SEMA5A: variants seen among roughly 807,000 people sequenced by gnomAD.
SEMA5A encodes the protein semaphorin 5A.
A neutral mutation model predicts 135.5 loss-of-function variants in SEMA5A; 55 were observed. That is an observed-to-expected ratio of 0.41 (90% CI 0.33 to 0.51). SEMA5A has a LOEUF of 0.51. Ranked by LOEUF, SEMA5A falls within the 20% of genes least tolerant of loss-of-function variation. The pLI, the probability that SEMA5A is intolerant of heterozygous loss-of-function variation, is 0.37. For synonymous variants in SEMA5A, 580 were observed against 546.5 expected, an observed-to-expected ratio of 1.06 and a Z score of -0.85; for missense variants, 1,290 against 1,419.9, an observed-to-expected ratio of 0.91 and a Z score of 1.47.
At chr5:9,131,447 A>C (rs778457562) in intron 13 of SEMA5A, among the ~76,000 whole-genome samples, 77 of 151,980 alleles carry the variant, frequency 5.1e-4, no homozygotes, top group Non-Finnish European at 9.6e-4. Context: ...TCTCTACTAA[A>C]AACACAAAAA....
intron 1 of SEMA5A, among the ~76,000 whole-genome samples, chr5:9,466,165 C>G (rs1759251557): frequency 6.6e-6 from 1 of 151,920 alleles, no homozygotes; most frequent in South Asian, 2.1e-4. Context: ...CACTGGGAAA[C>G]AGGATTAAAT....
rs118045720 is a variant in SEMA5A, at chr5:9,087,768, A to C, written c.2073+20372T>G. ...AAATCTGTTCTAGAAGTTGCCTAATAAGGTGGGATGTTTCTTATTCAAAGC... is the reference window on the plus strand; with the variant it reads ...AAATCTGTTCTAGAAGTTGCCTAATCAGGTGGGATGTTTCTTATTCAAAGC... On this transcript the variant is annotated intron_variant, in intron 16 of 22. Transcript: ENST00000382496. Among the ~76,000 whole-genome samples, 13 of 152,260 alleles carry C rather than the reference A, an allele frequency of 8.5e-5. 1 individual carries two copies. In the East Asian group the frequency reaches 2.5e-3, roughly 30 times the overall value.
chr5:9,289,866 T>C (rs1445388299), intron 5 of SEMA5A, among the ~76,000 whole-genome samples: 1 of 152,138 alleles, frequency 6.6e-6, no homozygotes, highest in African/African-American at 2.4e-5. Flanking sequence ...CCACTGAAAC[T>C]TCCCTTTTGG....
chr5:9,303,364 C>T (rs1021831262), intron 5 of SEMA5A, among the ~76,000 whole-genome samples: 1 of 152,084 alleles, frequency 6.6e-6, no homozygotes, highest in African/African-American at 2.4e-5. Context: ...GATCCACCTG[C>T]CTCGGCCTCC....
At chr5:9,106,081 C>T (rs1327724328) in intron 16 of SEMA5A, among the ~76,000 whole-genome samples, 3 of 152,180 alleles carry the variant, frequency 2.0e-5, no homozygotes, top group Non-Finnish European at 2.9e-5. Context: ...AAAATATACT[C>T]CTACCACTGA....
intron 16 of SEMA5A, among the ~76,000 whole-genome samples, chr5:9,080,381 C>A (rs1361230797): frequency 1.3e-5 from 2 of 152,064 alleles, no homozygotes; most frequent in African/African-American, 4.8e-5. Context: ...GAGAACATCA[C>A]ACAGGGGAGC....
intron 13 of SEMA5A, among the ~76,000 whole-genome samples, chr5:9,133,406 T>A (rs1741546183): frequency 1.3e-5 from 2 of 152,226 alleles, no homozygotes; most frequent in South Asian, 4.1e-4. Context: ...TAATTTATTG[T>A]CTTTTGTTGC....
At chr5:9,290,968 G>C (rs1751046991) in intron 5 of SEMA5A, among the ~76,000 whole-genome samples, 1 of 152,124 alleles carries the variant, frequency 6.6e-6, no homozygotes, top group Non-Finnish European at 1.5e-5. Flanking sequence ...AACTCACTTT[G>C]GCATGTGTCA....
intron 11 of SEMA5A, among the ~76,000 whole-genome samples, chr5:9,170,388 A>C (rs563103392): frequency 1.0e-3 from 159 of 152,324 alleles, no homozygotes; most frequent in Non-Finnish European, 1.7e-3. Context: ...TGTACATGTT[A>C]TAGGAACCTA....
intron 1 of SEMA5A, among the ~76,000 whole-genome samples, chr5:9,463,860 C>A (rs185025429): frequency 1.3e-5 from 2 of 152,206 alleles, no homozygotes; most frequent in African/African-American, 2.4e-5. Context: ...TCCACACCCC[C>A]CTGAAGGTGT....
rs75567700 is a variant in SEMA5A, at chr5:9,126,481, G to C, written c.1600-3644C>G. Reference sequence around the variant, plus strand: ...ATCCTTAGCCTCACTTCTCTATGAAGGTGTAACAGCTCCAAGAGTTCATCT... The same window carrying C: ...ATCCTTAGCCTCACTTCTCTATGAACGTGTAACAGCTCCAAGAGTTCATCT... On this transcript the variant is annotated intron_variant, in intron 13 of 22. Transcript: ENST00000382496. 8.3e-3 allele frequency among the ~76,000 whole-genome samples: 1,263 copies of C among 151,814 alleles called. 21 individuals are homozygous for C. The highest frequency in any genetic ancestry group is 0.029 in the African/African-American group (1,199 of 41,344).
At chr5:9,064,157 G>C (rs1308549130) in intron 17 of SEMA5A, among the ~76,000 whole-genome samples, 1 of 152,142 alleles carries the variant, frequency 6.6e-6, no homozygotes, top group Non-Finnish European at 1.5e-5. Flanking sequence ...AGAATTGTCT[G>C]TCTGTGATAA....
chr5:9,398,710 C>T (rs573519675), intron 2 of SEMA5A, among the ~76,000 whole-genome samples: 13 of 152,274 alleles, frequency 8.5e-5, no homozygotes, highest in South Asian at 8.3e-4. Context: ...TTTTCTGTGT[C>T]TAATGTCATG....
chr5:9,275,452 A>G (rs1750208120), intron 5 of SEMA5A, among the ~76,000 whole-genome samples: 1 of 152,210 alleles, frequency 6.6e-6, no homozygotes, highest in South Asian at 2.1e-4. Flanking sequence ...AAACAATAGA[A>G]AAAGAGGGAA....
intron 5 of SEMA5A, among the ~76,000 whole-genome samples, chr5:9,301,198 T>C (rs1309969458): frequency 6.6e-6 from 1 of 152,204 alleles, no homozygotes; most frequent in Non-Finnish European, 1.5e-5. Context: ...TAATGTTTAG[T>C]ATTTTAAACA....
intron 15 of SEMA5A, 53 bp downstream of exon 15, chr5:9,118,945 G>A (rs960128111): frequency 9.5e-6 from 15 of 1,586,406 alleles, no homozygotes; most frequent in African/African-American, 6.8e-5. Context: ...CGACCTGGCC[G>A]GAATGAGAGT....
chr5:9,438,820 A>C (rs1458684857), intron 1 of SEMA5A, among the ~76,000 whole-genome samples: 1 of 152,198 alleles, frequency 6.6e-6, no homozygotes, highest in Non-Finnish European at 1.5e-5. Context: ...AGTGATTCCC[A>C]CACGGTCAGC....
intron 8 of SEMA5A, among the ~76,000 whole-genome samples, chr5:9,222,661 A>G (rs1053812398): frequency 9.9e-5 from 15 of 152,266 alleles, no homozygotes; most frequent in African/African-American, 3.4e-4. Context: ...AATCGGAAAC[A>G]TTAATGCCTT....
At chr5:9,333,365 C>T (rs1348640906) in intron 4 of SEMA5A, among the ~76,000 whole-genome samples, 1 of 152,184 alleles carries the variant, frequency 6.6e-6, no homozygotes, top group East Asian at 1.9e-4. Context: ...AGCATTCAAA[C>T]ACTGCCTTAT....
Sources: allele counts gnomAD v4.1 joint callset (sites outside exome capture counted in the v4.1 genomes callset), GRCh38; gene constraint gnomAD v4.1.1; transcripts MANE v1.5; gene names NCBI Gene and HGNC (gene_info 2026-07-23, HGNC 2026-07-21).